DUXB: variants seen among roughly 807,000 people sequenced by gnomAD.
DUXB encodes double homeobox B, also known as double homeobox protein B.
In DUXB, 22 loss-of-function variants were observed where a neutral mutation model predicts 8.9. That is an observed-to-expected ratio of 2.46 (90% confidence interval 1.76 to 3.52). The LOEUF (loss-of-function observed/expected upper bound fraction) is 3.52. Among genes scored for constraint, DUXB ranks in the 30% most tolerant of loss-of-function variants. DUXB has a pLI of 0.00. For synonymous variants in DUXB, 84 were observed against 37.6 expected, an observed-to-expected ratio of 2.23 and a Z score of -4.52; for missense variants, 237 against 108.7, an observed-to-expected ratio of 2.18 and a Z score of -5.25.
chr16:75,699,306 C>T (rs777746889), intron 2 of DUXB, among the ~76,000 whole-genome samples: 1 of 152,192 alleles, frequency 6.6e-6, no homozygotes, highest in Non-Finnish European at 1.5e-5. Context: ...TCGGAATGCA[C>T]ATGCATTCTT....
rs577473169 is a variant in DUXB at position 75,695,925 on chromosome 16, G to T, written c.441+36C>A. Reference sequence around the variant, plus strand: ...ACACCTCCAGGGGGCAGTATCACAGGCAGGACATAGTTGGGATCACACACA... The same window carrying T: ...ACACCTCCAGGGGGCAGTATCACAGTCAGGACATAGTTGGGATCACACACA... On this transcript the variant is annotated intron_variant, in intron 4 of 4. Transcript: ENST00000633875. The T allele has an allele frequency of 1.5e-4, 106 of 702,020 alleles. 1 individual carries two copies. The South Asian group carries it at 1.5e-3, about 10-fold the overall frequency. 43.5% of individuals were successfully genotyped at this position (702,020 alleles called of 1,614,324 possible).
intron 4 of DUXB, among the ~76,000 whole-genome samples, chr16:75,695,539 T>G (rs931768593): frequency 6.6e-6 from 1 of 152,224 alleles, no homozygotes. Flanking sequence ...GGAGAACATT[T>G]GACTATGTCT....
intron 2 of DUXB, 106 bp from the exon 3 acceptor site, chr16:75,697,049 T>A: frequency 3.2e-6 from 2 of 631,626 alleles, no homozygotes; most frequent in Non-Finnish European, 5.7e-6. Context: ...GTGGCTGGAA[T>A]AATGCCCACA....
rs530328791 is a variant in DUXB, at chr16:75,694,609, T to C, written c.442-84A>G. On this transcript the variant is annotated intron_variant, in intron 4 of 4. Transcript: ENST00000633875. ...CAGATACTCTATAAAACAAAGGAGCTATTAACCTAAGGACAAATCACAGGG... is the reference window on the plus strand; with the variant it reads ...CAGATACTCTATAAAACAAAGGAGCCATTAACCTAAGGACAAATCACAGGG... 8.7e-6 allele frequency: 6 copies of C among 689,248 alleles called. No homozygotes were observed. In the African/African-American group the frequency reaches 8.8e-5, roughly 10 times the overall value. The allele number at this position is 689,248 out of a possible 1,614,324, so 42.7% of individuals were successfully genotyped here.
chr16:75,699,247 T>C (rs1371022119), intron 2 of DUXB, among the ~76,000 whole-genome samples: 2 of 152,248 alleles, frequency 1.3e-5, no homozygotes, highest in Admixed American at 6.5e-5. Context: ...TCAAACGCTA[T>C]GTGTATGAAT....
At chr16:75,695,246 C>G (rs190808779) in intron 4 of DUXB, among the ~76,000 whole-genome samples, 155 of 152,306 alleles carry the variant, frequency 1.0e-3, no homozygotes, top group South Asian at 4.8e-3. Flanking sequence ...TTCTCGAATT[C>G]TCCCTCTAAC....
At chr16:75,700,227 G>T (rs1339039960) in intron 1 of DUXB, 58 bp from the exon 2 acceptor site, 2 of 620,554 alleles carry the variant, frequency 3.2e-6, no homozygotes, top group Admixed American at 2.7e-5. Flanking sequence ...GTTTAAATCT[G>T]TACTTTGATT....
At position 75,694,330 on chromosome 16, in the gene DUXB, C is replaced by T. The variant is rs974754489; in HGVS notation, c.637G>A (p.Val213Ile). Reference protein sequence around the residue: ...SSSGHETLPPVLPSTQAPWDP... With the variant: ...SSSGHETLPPILPSTQAPWDP... ...CAAGGAGCCTGGGTTGAAGGAAGAA[C>T]AGGTGGAAGAGTTTCATGCCCGCTG... The change falls in exon 5 of 5, where the codon GTT becomes ATT. Residue 213 changes from valine (V) to isoleucine (I), a missense_variant. Transcript: ENST00000633875. 4 of 628,192 alleles carry T rather than the reference C, an allele frequency of 6.4e-6. No individual in the cohort carries two copies. Among genetic ancestry groups the T allele is most frequent in the African/African-American group, 5.5e-5 (3 of 54,400 alleles). The allele number at this position is 628,192 out of a possible 1,614,324, so 38.9% of individuals were successfully genotyped here. A position where few individuals can be genotyped will look rare whatever the true frequency, so the allele number is the denominator to read the frequency against.
Position 75,696,907 on chromosome 16 carries a change from G to C in DUXB, c.217C>G (p.Leu73Val), listed in dbSNP as rs2082612417. 1.4e-6 allele frequency: 1 copy of C among 702,708 alleles called. No individual in the cohort carries two copies. Among genetic ancestry groups the C allele is most frequent in the Admixed American group, 2.0e-5 (1 of 49,932 alleles). 43.5% of individuals were successfully genotyped at this position (702,708 alleles called of 1,614,324 possible). A position where few individuals can be genotyped will look rare whatever the true frequency, so the allele number is the denominator to read the frequency against. ...FKNYRVKQRK[L>V]DYKCFSEKDQ... ...TTTTCTGAGAAGCACTTATAATCCA[G>C]TTTTCTCTGTTTTACTCTGTAATTT... The change falls in exon 3 of 5, where the codon CTG (leucine) becomes GTG (valine). Residue 73 changes from leucine (L) to valine (V), a missense_variant. Leu to Val is a conservative substitution (Grantham distance 32). Coordinates refer to ENST00000633875, the MANE Select transcript of DUXB (RefSeq NM_001351307.2).
chr16:75,696,221 T>A (rs940099796), intron 3 of DUXB, 106 bp from the exon 4 acceptor site: 22 of 640,622 alleles, frequency 3.4e-5, no homozygotes, highest in Non-Finnish European at 5.9e-5. Flanking sequence ...ATCCCCGAGG[T>A]GGCAGAAGAG....
At chr16:75,696,442 C>T (rs887425954) in intron 3 of DUXB, among the ~76,000 whole-genome samples, 8 of 152,302 alleles carry the variant, frequency 5.3e-5, no homozygotes, top group Admixed American at 5.2e-4. Flanking sequence ...GTTCCAGCTA[C>T]TTGGGAGGCT....
chr16:75,699,915 C>T, intron 2 of DUXB, 100 bp downstream of exon 2: 1 of 505,292 alleles, frequency 2.0e-6, no homozygotes, highest in Non-Finnish European at 3.5e-6. Flanking sequence ...AGCAAAATAC[C>T]TGATATAACC....
chr16:75,699,339 A>G (rs917673282), intron 2 of DUXB, among the ~76,000 whole-genome samples: 6 of 152,206 alleles, frequency 3.9e-5, no homozygotes, highest in Non-Finnish European at 4.4e-5. Flanking sequence ...TTGTAATTAC[A>G]TATTAATAAT....
chr16:75,696,380 G>A (rs1486414755), intron 3 of DUXB, among the ~76,000 whole-genome samples: 1 of 152,044 alleles, frequency 6.6e-6, no homozygotes, highest in Non-Finnish European at 1.5e-5. Flanking sequence ...GTGAAACCCC[G>A]TTTCTACTAA....
chr16:75,697,976 T>A (rs77067538), intron 2 of DUXB, among the ~76,000 whole-genome samples: 2 of 152,038 alleles, frequency 1.3e-5, no homozygotes, highest in African/African-American at 2.4e-5. Flanking sequence ...ACCCACCCCC[T>A]CTTGTCTGTG....
In DUXB at chr16:75,694,166, C is replaced by T; in HGVS notation, c.801G>A (p.Lys267=). Residue 267 remains lysine, a synonymous_variant, in exon 5 of 5, where the codon AAG becomes AAA. Transcript: ENST00000633875. ...AGAAGGGAGTCGGAGTATCTAAGTC[C>T]TTTGTCAGAATTGGCAGTGTCAGGA... The part of the protein sequence containing the change: ...NHLLTLPILT[K]DLDTPTPFWL... 1 of 470,654 alleles carries T rather than the reference C, an allele frequency of 2.1e-6. No homozygotes were observed. Among genetic ancestry groups the T allele is most frequent in the South Asian group, 5.1e-5 (1 of 19,708 alleles). 29.2% of individuals were successfully genotyped at this position (470,654 alleles called of 1,614,324 possible).
intron 4 of DUXB, among the ~76,000 whole-genome samples, chr16:75,695,405 T>C (rs969531889): frequency 6.6e-6 from 1 of 152,258 alleles, no homozygotes; most frequent in African/African-American, 2.4e-5. Flanking sequence ...TTTGAGAGTT[T>C]GTGTCATAAG....
chr16:75,694,120 GTTC>G lies in DUXB; in HGVS notation c.844_846del (p.Glu282del). ...CCAGAGTGTTCTTTGTGATTTTGGT[GTTC>G]TTCTTGGTATTGGAGCCAGAAGGGA... On this transcript the variant is annotated inframe_deletion, in exon 5 of 5. Transcript: ENST00000633875. The G allele has an allele frequency of 4.7e-6, 2 of 424,228 alleles. No individual in the cohort carries two copies. The highest frequency in any genetic ancestry group is 4.2e-5 in the Admixed American group (1 of 23,918). The allele number at this position is 424,228 out of a possible 1,614,324, so 26.3% of individuals were successfully genotyped here.
rs1429555646 is a variant in DUXB, at chr16:75,694,024, G to C, written c.943C>G (p.Leu315Val). 1 of 403,360 alleles carries C rather than the reference G, an allele frequency of 2.5e-6. No individual in the cohort carries two copies. The highest frequency in any genetic ancestry group is 4.4e-6 in the Non-Finnish European group (1 of 229,626). 25.0% of individuals were successfully genotyped at this position (403,360 alleles called of 1,614,324 possible). ...ATGTTCGATATGTCAAACTGACCCAGATTTAGAGGTTGTTGCTCCCTGTGC... is the reference window on the plus strand; with the variant it reads ...ATGTTCGATATGTCAAACTGACCCACATTTAGAGGTTGTTGCTCCCTGTGC... The part of the protein sequence containing the change: ...PEHREQQPLN[L>V]GQFDISNILQ... The change falls in exon 5 of 5, where the codon CTG (leucine) becomes GTG (valine). Residue 315 changes from leucine (L) to valine (V), a missense_variant. Physicochemically the swap from Leu to Val is conservative, Grantham distance 32 (BLOSUM62 1). Coordinates refer to ENST00000633875, the MANE Select transcript of DUXB (RefSeq NM_001351307.2).
Sources: allele counts gnomAD v4.1 joint callset (sites outside exome capture counted in the v4.1 genomes callset), GRCh38; gene constraint gnomAD v4.1.1; transcripts MANE v1.5; gene names NCBI Gene and HGNC (gene_info 2026-07-23, HGNC 2026-07-21).